SNTG1: variants seen among roughly 807,000 people sequenced by gnomAD.
The protein encoded by SNTG1 is gamma-1-syntrophin.
SNTG1 carries 39 observed loss-of-function variants against 74.7 expected under a neutral mutation model. The ratio of observed to expected loss-of-function variants is 0.52; its 90% CI spans 0.40 to 0.68. The LOEUF (loss-of-function observed/expected upper bound fraction) is 0.68, where lower values mean the gene tolerates loss of function less well. Among genes scored for constraint, SNTG1 ranks in the 30% least tolerant of loss-of-function variants. The probability of loss-of-function intolerance (pLI) is 0.00; values close to 1 mark genes in which losing one functional copy is unlikely to be tolerated. For synonymous variants in SNTG1, 254 were observed against 217.1 expected (o/e 1.17, Z -1.49); for missense variants, 685 against 609.5 (o/e 1.12, Z -1.30).
Position 50,071,540 on chromosome 8 carries a change from G to A in SNTG1, c.-102-101021G>A, listed in dbSNP as rs533524637. Among the ~76,000 whole-genome samples, 39 of 151,870 alleles carry A rather than the reference G, an allele frequency of 2.6e-4. 1 individual carries two copies. Among genetic ancestry groups the A allele is most frequent in the East Asian group, 9.7e-4 (5 of 5,174 alleles). ...TTTGCCCAGGCTGGAGTGCAATGGCGCAATCTTGGCTCACTGAAACCTCCA... is the reference window on the plus strand; with the variant it reads ...TTTGCCCAGGCTGGAGTGCAATGGCACAATCTTGGCTCACTGAAACCTCCA... On this transcript the variant is annotated intron_variant, in intron 1 of 18. Coordinates refer to ENST00000642720, the MANE Select transcript of SNTG1 (RefSeq NM_018967.5).
At chr8:50,275,018 G>T (rs749379923) in intron 2 of SNTG1, among the ~76,000 whole-genome samples, 18 of 152,074 alleles carry the variant, frequency 1.2e-4, no homozygotes, top group Non-Finnish European at 2.1e-4. Flanking sequence ...AAATTATGCT[G>T]CAGTTTTCCT....
chr8:50,692,439 C>T (rs2095385239), intron 15 of SNTG1, among the ~76,000 whole-genome samples: 1 of 152,014 alleles, frequency 6.6e-6, no homozygotes, highest in African/African-American at 2.4e-5. Flanking sequence ...GTGTGGATGT[C>T]CTTTCTATTT....
intron 2 of SNTG1, among the ~76,000 whole-genome samples, chr8:50,289,476 T>C (rs1055163135): frequency 2.0e-5 from 3 of 152,314 alleles, no homozygotes; most frequent in Non-Finnish European, 2.9e-5. Context: ...ACCTTAGTTA[T>C]AGTGAGACAG....
At chr8:50,392,075 A>G (rs4523268) in intron 2 of SNTG1, among the ~76,000 whole-genome samples, 140,475 of 152,178 alleles carry the variant, frequency 0.92, 65,427 homozygotes, top group Non-Finnish European at 1. Context: ...ACAGACAGTA[A>G]GGAAAACTAG....
At chr8:50,471,297 C>T (rs2093652631) in intron 8 of SNTG1, among the ~76,000 whole-genome samples, 2 of 151,316 alleles carry the variant, frequency 1.3e-5, no homozygotes, top group Non-Finnish European at 2.9e-5. Flanking sequence ...TTTCAATAGA[C>T]ATTGCTTCAA....
At chr8:50,061,057 C>G (rs1471566340) in intron 1 of SNTG1, among the ~76,000 whole-genome samples, 7 of 151,976 alleles carry the variant, frequency 4.6e-5, no homozygotes, top group Admixed American at 4.6e-4. Context: ...GGGTACTGGC[C>G]TTAAAAATGA....
At chr8:50,234,501 A>T (rs1479448621) in intron 2 of SNTG1, among the ~76,000 whole-genome samples, 1 of 151,972 alleles carries the variant, frequency 6.6e-6, no homozygotes, top group Admixed American at 6.6e-5. Context: ...ATAAAATGGC[A>T]TCACACTATA....
chr8:50,410,591 C>T (rs1027504887), intron 4 of SNTG1, among the ~76,000 whole-genome samples: 3 of 152,072 alleles, frequency 2.0e-5, no homozygotes, highest in Non-Finnish European at 4.4e-5. Flanking sequence ...CTATCACCTC[C>T]CCTGCTATAT....
chr8:50,503,134 T>C (rs919291150), intron 9 of SNTG1, among the ~76,000 whole-genome samples: 6 of 152,186 alleles, frequency 3.9e-5, no homozygotes, highest in Admixed American at 2.0e-4. Context: ...AAAATAGGCA[T>C]ATCAAATATC....
At chr8:50,517,399 A>G (rs749002786) in intron 9 of SNTG1, among the ~76,000 whole-genome samples, 1 of 152,064 alleles carries the variant, frequency 6.6e-6, no homozygotes, top group Non-Finnish European at 1.5e-5. Flanking sequence ...CAGGCAAAAT[A>G]ACTGGGTAGC....
intron 2 of SNTG1, among the ~76,000 whole-genome samples, chr8:50,276,791 C>T (rs575759507): frequency 6.6e-6 from 1 of 152,034 alleles, no homozygotes; most frequent in Non-Finnish European, 1.5e-5. Context: ...GAGACCTCAC[C>T]TGTATAAAAA....
At chr8:50,266,682 GTGTATA>G (rs1174067678) in intron 2 of SNTG1, among the ~76,000 whole-genome samples, 7 of 137,460 alleles carry the variant, frequency 5.1e-5, no homozygotes, top group African/African-American at 1.9e-4. Flanking sequence ...GTGTGTGTGT[GTGTATA>G]TATATATATA....
At chr8:50,767,809 A>T (rs1396012455) in intron 18 of SNTG1, among the ~76,000 whole-genome samples, 1 of 151,916 alleles carries the variant, frequency 6.6e-6, no homozygotes, top group Non-Finnish European at 1.5e-5. Flanking sequence ...ATTTTTTCTT[A>T]AATTATAATT....
rs558670742 is a variant in SNTG1, at chr8:50,414,372, G to A, written c.162+12028G>A. Reference sequence around the variant, plus strand: ...TTTTAATTCCTTCATCCAGATCTGAGGTCAAGATTGGCAAGTTTCTTTACT... The same window carrying A: ...TTTTAATTCCTTCATCCAGATCTGAAGTCAAGATTGGCAAGTTTCTTTACT... On this transcript the variant is annotated intron_variant, in intron 4 of 18. Transcript: ENST00000642720. 1.2e-4 allele frequency among the ~76,000 whole-genome samples: 19 copies of A among 152,206 alleles called. No individual in the cohort carries two copies. The East Asian group carries it at 2.5e-3, about 20-fold the overall frequency.
intron 2 of SNTG1, among the ~76,000 whole-genome samples, chr8:50,211,027 A>T (rs1361609755): frequency 6.6e-6 from 1 of 152,150 alleles, no homozygotes; most frequent in Admixed American, 6.5e-5. Flanking sequence ...TTTCAAGTCT[A>T]ATATTTTAGA....
Position 50,728,203 on chromosome 8 carries a change from G to A in SNTG1, c.1284+19225G>A, listed in dbSNP as rs758521253. On this transcript the variant is annotated intron_variant, in intron 17 of 18. Transcript: ENST00000642720. ...TATTCCACCACACCTTGGGGGTGGT[G>A]TCCCCTTCTCATAGTATATCTCCTA... 3.9e-4 allele frequency among the ~76,000 whole-genome samples: 59 copies of A among 152,114 alleles called. 1 individual carries two copies. Among genetic ancestry groups the A allele is most frequent in the Middle Eastern group, 3.2e-3 (1 of 316 alleles).
rs1047778837 is a variant in SNTG1 at position 50,508,890 on chromosome 8, G to A, written c.466+6010G>A. Among the ~76,000 whole-genome samples, 21 of 152,028 alleles carry A rather than the reference G, an allele frequency of 1.4e-4. No individual in the cohort carries two copies. The South Asian group carries it at 1.9e-3, about 14-fold the overall frequency. ...TAGGCTGCCTGTTCACTCTGATGGT[G>A]GTTTCTTTTGCTGTGCAGAAGCTCT... On this transcript the variant is annotated intron_variant, in intron 9 of 18. Transcript: ENST00000642720.
intron 18 of SNTG1, among the ~76,000 whole-genome samples, chr8:50,771,704 T>A (rs982688256): frequency 2.6e-5 from 4 of 151,930 alleles, no homozygotes; most frequent in Non-Finnish European, 5.9e-5. Flanking sequence ...TTCAAAGATC[T>A]TTGAGGCCAG....
intron 17 of SNTG1, among the ~76,000 whole-genome samples, chr8:50,745,748 G>A (rs184108423): frequency 9.2e-4 from 140 of 152,034 alleles, no homozygotes; most frequent in Non-Finnish European, 3.2e-4. Context: ...AAAACCTTAC[G>A]TTAAGTGAAA....
Sources: gnomAD v4.1 joint callset for allele counts (sites outside exome capture counted in the v4.1 genomes callset) on GRCh38, gnomAD v4.1.1 for gene constraint, MANE v1.5 for transcripts, NCBI Gene and HGNC (gene_info 2026-07-23, HGNC 2026-07-21) for gene names.